The following TTC13 variants were observed in gnomAD, a reference collection of about 807,000 sequenced individuals.
TTC13 encodes the protein tetratricopeptide repeat domain 13.
Under a neutral mutation model 120.0 loss-of-function variants are expected in TTC13, and 62 were observed. That is an observed-to-expected ratio of 0.52 (90% CI 0.42 to 0.64). The LOEUF is 0.64. TTC13 is among the 30% of genes least tolerant of loss of function. The pLI is 0.00. For missense variants in TTC13, 824 were observed against 1,050.2 expected (o/e 0.78, Z 2.98); for synonymous variants, 384 against 393.5 (o/e 0.98, Z 0.28).
At position 230,920,520 on chromosome 1, in the gene TTC13, GGAA is replaced by G. The variant is rs1672488424; in HGVS notation, c.1970_1972del (p.Leu657del). 1 of 1,610,332 alleles carries G rather than the reference GGAA, an allele frequency of 6.2e-7. No individual in the cohort carries two copies. The highest frequency in any genetic ancestry group is 8.5e-7 in the Non-Finnish European group (1 of 1,177,758). On this transcript the variant is annotated inframe_deletion, in exon 17 of 23. Coordinates refer to ENST00000366661, the MANE Select transcript of TTC13 (RefSeq NM_024525.5). ...TGATGCTAAAGTTACCTTCATAATC[GGAA>G]GAAGGTCTTCTACTTTGTGTACCTT...
intron 17 of TTC13, among the ~76,000 whole-genome samples, chr1:230,920,108 G>A (rs560935293): frequency 9.2e-5 from 14 of 152,186 alleles, no homozygotes; most frequent in East Asian, 5.8e-4. Flanking sequence ...CCACATTACC[G>A]TGCAGTGGTC....
chr1:230,972,647 C>T (rs1026203989), intron 1 of TTC13, among the ~76,000 whole-genome samples: 2 of 152,138 alleles, frequency 1.3e-5, no homozygotes, highest in Admixed American at 1.3e-4. Flanking sequence ...AGTCATGCTC[C>T]AGGTAGGTTC....
Position 230,912,771 on chromosome 1 carries a change from A to T in TTC13, c.2094-13T>A. The T allele has an allele frequency of 6.2e-7, 1 of 1,601,336 alleles. No individual in the cohort carries two copies. Among genetic ancestry groups the T allele is most frequent in the Non-Finnish European group, 8.5e-7 (1 of 1,176,962 alleles). ...TATATTGCCAACTCTGAAAATACAA[A>T]AATAAGTGTGAAAGGCATGTATTAT... is the stretch of plus-strand genomic sequence containing the variant. On this transcript the variant is annotated splice_polypyrimidine_tract_variant and intron_variant, in intron 18 of 22. Transcript: ENST00000366661.
At chr1:230,949,865 A>G (rs12750965) in intron 4 of TTC13, among the ~76,000 whole-genome samples, 24,983 of 151,172 alleles carry the variant, frequency 0.17, 2,255 homozygotes, top group East Asian at 0.4. Context: ...TAGCCAGGAT[A>G]GTCTCAATCT....
At position 230,908,757 on chromosome 1, in the gene TTC13, G is replaced by C; in HGVS notation, c.2423C>G (p.Ser808Ter). 2 of 1,613,736 alleles carry C rather than the reference G, an allele frequency of 1.2e-6. No homozygotes were observed. The highest frequency in any genetic ancestry group is 1.7e-6 in the Non-Finnish European group (2 of 1,179,688). ...VDFEAMTAPG[S>*]EAFSKVAKSW... ...TTTGGCGACTTTGCTAAAGGCCTCT[G>C]AACCAGGGGCTGTCATAGCTTCAAA... Residue 808 changes from serine (S) to a stop codon, truncating the protein, a stop_gained, in exon 22 of 23, where the codon TCA (serine) becomes TGA (stop). Coordinates refer to ENST00000366661, the MANE Select transcript of TTC13 (RefSeq NM_024525.5). LOFTEE classifies it high-confidence loss of function.
rs778317779 is a variant in TTC13 at position 230,961,269 on chromosome 1, G to A, written c.306C>T (p.Cys102=). ...SSFLNFHDSD[C]EPKGSSPCDS... is the part of the protein sequence containing the mutation. Reference sequence around the variant, plus strand: ...CACAGGGTGATGATCCCTTGGGTTCGCAGTCTGAGTCATGGAAGTTCAAAA... The same window carrying A: ...CACAGGGTGATGATCCCTTGGGTTCACAGTCTGAGTCATGGAAGTTCAAAA... The change falls in exon 2 of 23, where the codon TGC becomes TGT. Residue 102 remains cysteine, a synonymous_variant. Transcript: ENST00000366661. 15 of 1,613,768 alleles carry A rather than the reference G, an allele frequency of 9.3e-6. No homozygotes were observed. Among genetic ancestry groups the A allele is most frequent in the Admixed American group, 3.3e-5 (2 of 59,986 alleles).
At chr1:230,924,683 A>G (rs570939939) in intron 14 of TTC13, among the ~76,000 whole-genome samples, 158 bp downstream of exon 14, 6 of 152,378 alleles carry the variant, frequency 3.9e-5, no homozygotes, top group African/African-American at 1.2e-4. Flanking sequence ...AATAATAAAG[A>G]TGCCAGCAAT....
At position 230,912,706 on chromosome 1, in the gene TTC13, G is replaced by A; in HGVS notation, c.2146C>T (p.Gln716Ter). ...VETQTTEERT[Q>*]LYHAEIDALY... is the part of the protein sequence containing the mutation. The stretch of plus-strand genomic sequence containing the variant: ...GCATCTATTTCAGCATGATATAATT[G>A]TGTCCTTTCTTCCGTGGTTTGAGTT... Residue 716 changes from glutamine to a stop codon, truncating the protein, a stop_gained, in exon 19 of 23, where the codon CAA (glutamine) becomes TAA (stop). Transcript: ENST00000366661. LOFTEE classifies it high-confidence loss of function. 6.2e-7 allele frequency: 1 copy of A among 1,612,388 alleles called. No individual in the cohort carries two copies. The highest frequency in any genetic ancestry group is 2.2e-5 in the East Asian group (1 of 44,740).
chr1:230,915,824 C>G (rs1671963844), intron 18 of TTC13, among the ~76,000 whole-genome samples: 1 of 150,518 alleles, frequency 6.6e-6, no homozygotes, highest in African/African-American at 2.4e-5. Context: ...GGCTTTTATA[C>G]ATATATATTT....
intron 1 of TTC13, among the ~76,000 whole-genome samples, chr1:230,974,521 G>C (rs978574768): frequency 6.6e-6 from 1 of 152,170 alleles, no homozygotes; most frequent in African/African-American, 2.4e-5. Context: ...CATGCTACAG[G>C]TCTGTAGCCT....
chr1:230,909,087 C>G (rs1671233717), intron 20 of TTC13, 67 bp from the exon 21 acceptor site: 8 of 1,259,202 alleles, frequency 6.4e-6, no homozygotes, highest in Non-Finnish European at 9.1e-6. Context: ...TAAATTTCAC[C>G]ATGGACTTCC....
At chr1:230,967,686 T>C (rs1439490102) in intron 1 of TTC13, among the ~76,000 whole-genome samples, 1 of 152,208 alleles carries the variant, frequency 6.6e-6, no homozygotes, top group African/African-American at 2.4e-5. Context: ...ATAACTATAG[T>C]TGTGTGGAAC....
intron 3 of TTC13, chr1:230,956,539 TTATCCCA>T (rs1452874258): frequency 7.7e-6 from 3 of 391,564 alleles, no homozygotes; most frequent in Non-Finnish European, 1.5e-5. Flanking sequence ...TTCCTATTTA[TTATCCCA>T]TAATCAGTAA....
chr1:230,906,611 A>AT lies in TTC13; in HGVS notation c.*293dup, dbSNP rs1670956875. 1.7e-5 allele frequency: 3 copies of AT among 180,580 alleles called. No homozygotes were observed. Among genetic ancestry groups the AT allele is most frequent in the Non-Finnish European group, 3.5e-5 (3 of 86,870 alleles). The allele number at this position is 180,580 out of a possible 1,614,324, so 11.2% of individuals were successfully genotyped here. A position where few individuals can be genotyped will look rare whatever the true frequency, so the allele number is the denominator to read the frequency against. ...TATTATATTTTAGTTGTTGAGGAAA[A>AT]TTTTTTTTACTGTAAGGAAGGAGTT... On this transcript the variant is annotated 3_prime_UTR_variant, in exon 23 of 23. Transcript: ENST00000366661.
chr1:230,945,182 C>T (rs1674872199), intron 5 of TTC13, among the ~76,000 whole-genome samples: 1 of 152,134 alleles, frequency 6.6e-6, no homozygotes, highest in South Asian at 2.1e-4. Flanking sequence ...CTTAGTCTAT[C>T]CAGTTCATCA....
chr1:230,939,745 C>T (rs989851804), intron 7 of TTC13, among the ~76,000 whole-genome samples: 2 of 152,098 alleles, frequency 1.3e-5, no homozygotes, highest in African/African-American at 2.4e-5. Flanking sequence ...GTCTCAACTA[C>T]AAAAAAATTT....
chr1:230,906,534 C>A lies in TTC13; in HGVS notation c.*371G>T, dbSNP rs1184572363. 2 of 153,662 alleles carry A rather than the reference C, an allele frequency of 1.3e-5. No individual in the cohort carries two copies. The highest frequency in any genetic ancestry group is 1.5e-5 in the Non-Finnish European group (1 of 68,878). The allele number at this position is 153,662 out of a possible 1,614,324, so 9.5% of individuals were successfully genotyped here. A position where few individuals can be genotyped will look rare whatever the true frequency, so the allele number is the denominator to read the frequency against. On this transcript the variant is annotated 3_prime_UTR_variant, in exon 23 of 23. Coordinates refer to ENST00000366661, the MANE Select transcript of TTC13 (RefSeq NM_024525.5). Reference sequence around the variant, plus strand: ...GCAAGTCTTTGAAAAATATCCAGATCTCTAAAGGAATACAAACACTCCTAT... The same window carrying A: ...GCAAGTCTTTGAAAAATATCCAGATATCTAAAGGAATACAAACACTCCTAT...
intron 3 of TTC13, 126 bp downstream of exon 3, chr1:230,958,098 C>A: frequency 1.2e-6 from 1 of 817,970 alleles, no homozygotes; most frequent in Non-Finnish European, 1.9e-6. Context: ...ATGCTCCATG[C>A]AAGATCAAAC....
At chr1:230,919,680 T>C (rs1432589620) in intron 17 of TTC13, among the ~76,000 whole-genome samples, 1 of 152,236 alleles carries the variant, frequency 6.6e-6, no homozygotes, top group Non-Finnish European at 1.5e-5. Flanking sequence ...GCAGTCTATT[T>C]AGAAATTGTT....
Sources: gnomAD v4.1 joint callset for allele counts (sites outside exome capture counted in the v4.1 genomes callset) on GRCh38, gnomAD v4.1.1 for gene constraint, MANE v1.5 for transcripts, NCBI Gene and HGNC (gene_info 2026-07-23, HGNC 2026-07-21) for gene names.